Variants in ADPGK observed in about 807,000 individuals in gnomAD.
ADPGK encodes the protein ADP-dependent glucokinase.
A neutral mutation model predicts 42.4 loss-of-function variants in ADPGK; 26 were observed. That is an observed-to-expected ratio of 0.61 (90% CI 0.45 to 0.85). The LOEUF (loss-of-function observed/expected upper bound fraction) is 0.85, where lower values mean the gene tolerates loss of function less well. Among genes scored for constraint, ADPGK ranks in the 40% least tolerant of loss-of-function variants. The probability of loss-of-function intolerance (pLI) is 0.00; values close to 1 mark genes in which losing one functional copy is unlikely to be tolerated. For missense variants in ADPGK, 571 were observed against 627.0 expected, an observed-to-expected ratio of 0.91 and a Z score of 0.95; for synonymous variants, 267 against 252.6, an observed-to-expected ratio of 1.06 and a Z score of -0.54.
At chr15:72,771,936 G>T in intron 2 of ADPGK, 91 bp from the exon 3 acceptor site, 1 of 1,068,500 alleles carries the variant, frequency 9.4e-7, no homozygotes, top group Non-Finnish European at 1.3e-6. Flanking sequence ...TTAATTTATA[G>T]TCCATTTCCC....
intron 2 of ADPGK, 121 bp downstream of exon 2, chr15:72,774,751 G>A: frequency 1.3e-6 from 1 of 775,226 alleles, no homozygotes; most frequent in South Asian, 1.8e-5. Context: ...TTTTCAACCA[G>A]GGGTGATTTT....
At chr15:72,779,614 A>C in intron 1 of ADPGK, among the ~76,000 whole-genome samples, 1 of 152,094 alleles carries the variant, frequency 6.6e-6, no homozygotes, top group East Asian at 1.9e-4. Context: ...GTTTCCTAGA[A>C]ACGCCTTAAA....
chr15:72,781,503 C>T (rs1238461399), intron 1 of ADPGK, among the ~76,000 whole-genome samples: 10 of 152,196 alleles, frequency 6.6e-5, no homozygotes, highest in Non-Finnish European at 1.5e-5. Flanking sequence ...AGTGTCTGTC[C>T]TATGAAAGTC....
chr15:72,769,322 T>G (rs2066300146), intron 3 of ADPGK, among the ~76,000 whole-genome samples: 1 of 152,186 alleles, frequency 6.6e-6, no homozygotes, highest in African/African-American at 2.4e-5. Context: ...ATAAAATAAC[T>G]ATTCCTAATT....
At chr15:72,778,848 C>A (rs1372300156) in intron 1 of ADPGK, among the ~76,000 whole-genome samples, 1 of 152,174 alleles carries the variant, frequency 6.6e-6, no homozygotes, top group Non-Finnish European at 1.5e-5. Context: ...ACCCTAGCTC[C>A]TGCATCTAGA....
chr15:72,780,828 T>G (rs1368438619), intron 1 of ADPGK, among the ~76,000 whole-genome samples: 2 of 152,126 alleles, frequency 1.3e-5, no homozygotes, highest in African/African-American at 4.8e-5. Flanking sequence ...AAACCTGTCG[T>G]TTTTGACTGC....
At chr15:72,774,600 G>A (rs2066367453) in intron 2 of ADPGK, among the ~76,000 whole-genome samples, 2 of 152,172 alleles carry the variant, frequency 1.3e-5, no homozygotes, top group Non-Finnish European at 2.9e-5. Context: ...GAAACTTGCT[G>A]GAAAGGTAAA....
rs113372909 is a variant in ADPGK at position 72,781,877 on chromosome 15, C to T, written c.233+1582G>A. ...GGTTAAATAAGGTCATACGGGTGAG[C>T]CCTATTCCAAAAGGACCTAGTGTCC... On this transcript the variant is annotated intron_variant, in intron 1 of 6. Coordinates refer to ENST00000456471, the MANE Select transcript of ADPGK (RefSeq NM_001365225.1). Among the ~76,000 whole-genome samples the T allele has an allele frequency of 9.1e-3, 1,389 of 152,274 alleles. 23 individuals carry two copies. The highest frequency in any genetic ancestry group is 0.032 in the African/African-American group (1,309 of 41,546).
chr15:72,776,273 G>C (rs968123026), intron 1 of ADPGK, among the ~76,000 whole-genome samples: 1 of 152,154 alleles, frequency 6.6e-6, no homozygotes, highest in African/African-American at 2.4e-5. Context: ...AAGGTAGCTA[G>C]ATGAGGTCTT....
At chr15:72,753,764 T>G (rs944474060) in intron 6 of ADPGK, among the ~76,000 whole-genome samples, 2 of 152,210 alleles carry the variant, frequency 1.3e-5, no homozygotes, top group African/African-American at 2.4e-5. Context: ...CTGCCTCCAT[T>G]GTACAGACTA....
At chr15:72,760,278 A>C in intron 4 of ADPGK, 129 bp downstream of exon 4, 1 of 1,250,590 alleles carries the variant, frequency 8.0e-7, no homozygotes, top group Non-Finnish European at 1.1e-6. Context: ...TAGGTCAGGA[A>C]ACTTTCAGTA....
rs138567436 is a variant in ADPGK, at chr15:72,780,547, C to T, written c.233+2912G>A. Among the ~76,000 whole-genome samples, 624 of 152,276 alleles carry T rather than the reference C, an allele frequency of 4.1e-3. 5 individuals carry two copies. Among genetic ancestry groups the T allele is most frequent in the Non-Finnish European group, 7.6e-3 (514 of 68,022 alleles). On this transcript the variant is annotated intron_variant, in intron 1 of 6. Transcript: ENST00000456471. ...TGTGGAATCACAGCTGTAATTCCAG[C>T]ACTTTCAGAGGCCAAGATGGGAGGC...
At chr15:72,773,518 G>C (rs1463038315) in intron 2 of ADPGK, among the ~76,000 whole-genome samples, 1 of 152,148 alleles carries the variant, frequency 6.6e-6, no homozygotes, top group African/African-American at 2.4e-5. Context: ...GTATGAAAAG[G>C]CACTCCTCTA....
At chr15:72,771,463 C>G (rs899652714) in intron 3 of ADPGK, among the ~76,000 whole-genome samples, 4 of 152,192 alleles carry the variant, frequency 2.6e-5, no homozygotes, top group African/African-American at 9.7e-5. Context: ...CATTACCAAT[C>G]AGTTGTGAAC....
chr15:72,758,349 C>T, intron 4 of ADPGK: 1 of 621,234 alleles, frequency 1.6e-6, no homozygotes, highest in Non-Finnish European at 2.9e-6. Flanking sequence ...GTCAGCAAAA[C>T]CTCTGCGTAG....
chr15:72,753,565 A>AT (rs2066074862), intron 6 of ADPGK, among the ~76,000 whole-genome samples: 1 of 152,186 alleles, frequency 6.6e-6, no homozygotes, highest in Non-Finnish European at 1.5e-5. Flanking sequence ...TAAGGTAACA[A>AT]TTTTTGCAGG....
rs539707708 is a variant in ADPGK at position 72,773,247 on chromosome 15, T to C, written c.460-1402A>G. 1.8e-4 allele frequency among the ~76,000 whole-genome samples: 28 copies of C among 152,254 alleles called. 1 individual carries two copies. The South Asian group carries it at 5.4e-3, about 29-fold the overall frequency. ...GGTTGGAGTAAACAATTCTAGATGG[T>C]AGACATCACTCTTATCCCAATTTTG... On this transcript the variant is annotated intron_variant, in intron 2 of 6. Transcript: ENST00000456471.
At chr15:72,754,889 A>G (rs187802624) in intron 6 of ADPGK, among the ~76,000 whole-genome samples, 1 of 152,368 alleles carries the variant, frequency 6.6e-6, no homozygotes, top group Admixed American at 6.5e-5. Flanking sequence ...ATACTTGTAC[A>G]AAAGAACTCT....
At chr15:72,779,503 C>T (rs547414351) in intron 1 of ADPGK, among the ~76,000 whole-genome samples, 1 of 152,182 alleles carries the variant, frequency 6.6e-6, no homozygotes, top group South Asian at 2.1e-4. Flanking sequence ...CCTCAGCCTC[C>T]CAAAGTGCTG....
Sources: allele counts gnomAD v4.1 joint callset (sites outside exome capture counted in the v4.1 genomes callset), GRCh38; gene constraint gnomAD v4.1.1; transcripts MANE v1.5; gene names NCBI Gene and HGNC (gene_info 2026-07-23, HGNC 2026-07-21).